The following HS6ST3 variants were observed in gnomAD, a reference collection of about 807,000 sequenced individuals.
HS6ST3 encodes the protein heparan sulfate 6-O-sulfotransferase 3.
Under a neutral mutation model 36.7 loss-of-function variants are expected in HS6ST3, and 12 were observed. The ratio of observed to expected loss-of-function variants is 0.33; its 90% CI spans 0.21 to 0.53. The LOEUF (loss-of-function observed/expected upper bound fraction) is 0.53. HS6ST3 is among the 20% of genes least tolerant of loss of function. The pLI is 0.95. For missense variants in HS6ST3, 584 were observed against 640.9 expected, an observed-to-expected ratio of 0.91 and a Z score of 0.96; for synonymous variants, 240 against 257.5, an observed-to-expected ratio of 0.93 and a Z score of 0.65.
chr13:96,666,585 G>T (rs1459862012), intron 1 of HS6ST3, among the ~76,000 whole-genome samples: 1 of 151,798 alleles, frequency 6.6e-6, no homozygotes, highest in African/African-American at 2.4e-5. Flanking sequence ...CTTTACAATT[G>T]CTCTCACTTG....
At chr13:96,487,631 A>G (rs1301425949) in intron 1 of HS6ST3, among the ~76,000 whole-genome samples, 1 of 152,128 alleles carries the variant, frequency 6.6e-6, no homozygotes, top group Non-Finnish European at 1.5e-5. Flanking sequence ...TATTATACAT[A>G]CAAGGACAAA....
intron 1 of HS6ST3, among the ~76,000 whole-genome samples, chr13:96,142,891 C>A (rs527345776): frequency 1.3e-4 from 20 of 152,056 alleles, no homozygotes; most frequent in African/African-American, 4.8e-4. Flanking sequence ...AATGATAATT[C>A]AGTAATGTCT....
intron 1 of HS6ST3, among the ~76,000 whole-genome samples, chr13:96,562,064 G>A (rs573295341): frequency 3.7e-4 from 56 of 152,288 alleles, no homozygotes; most frequent in Admixed American, 3.2e-3. Flanking sequence ...TCTGCCAAAA[G>A]CACATATGCA....
chr13:96,626,125 A>T (rs953125850), intron 1 of HS6ST3, among the ~76,000 whole-genome samples: 1 of 152,098 alleles, frequency 6.6e-6, no homozygotes, highest in Non-Finnish European at 1.5e-5. Flanking sequence ...TACAGGCGTG[A>T]GCCACATCGC....
rs140156411 is a variant in HS6ST3, at chr13:96,367,965, T to C, written c.707+276396T>C. Among the ~76,000 whole-genome samples the C allele has an allele frequency of 3.2e-3, 487 of 152,286 alleles. 6 individuals carry two copies. Among genetic ancestry groups the C allele is most frequent in the African/African-American group, 0.011 (461 of 41,568 alleles). ...AAAACTCATTTCATGATGTTTATGGTTTTTTCCTTTTGTAAATGTACGAAG... is the reference window on the plus strand; with the variant it reads ...AAAACTCATTTCATGATGTTTATGGCTTTTTCCTTTTGTAAATGTACGAAG... On this transcript the variant is annotated intron_variant, in intron 1 of 1. Transcript: ENST00000376705.
chr13:96,147,587 C>T (rs1236037251), intron 1 of HS6ST3, among the ~76,000 whole-genome samples: 2 of 152,330 alleles, frequency 1.3e-5, no homozygotes, highest in Non-Finnish European at 2.9e-5. Flanking sequence ...TCTGGTTTCC[C>T]TCCACAGCTC....
chr13:96,368,417 C>T (rs1443655111), intron 1 of HS6ST3, among the ~76,000 whole-genome samples: 1 of 151,638 alleles, frequency 6.6e-6, no homozygotes, highest in Non-Finnish European at 1.5e-5. Flanking sequence ...TACAATCCAG[C>T]TGGTAGACTC....
chr13:96,765,497 T>C lies in HS6ST3; in HGVS notation c.708-66993T>C, dbSNP rs78737050. Among the ~76,000 whole-genome samples the C allele has an allele frequency of 4.4e-3, 673 of 152,326 alleles. 7 individuals are homozygous for C. Among genetic ancestry groups the C allele is most frequent in the Non-Finnish European group, 5.7e-3 (388 of 68,028 alleles). ...TTTCTCTGGAACTACCATTTTGTGA[T>C]TTTTCCAGGGACTTTTCTTGGGTTT... On this transcript the variant is annotated intron_variant, in intron 1 of 1. Transcript: ENST00000376705.
chr13:96,221,913 G>GA (rs61458457), intron 1 of HS6ST3, among the ~76,000 whole-genome samples: 12 of 152,044 alleles, frequency 7.9e-5, no homozygotes, highest in Admixed American at 5.2e-4. Context: ...ATTTGAAATG[G>GA]AAAAAAATCA....
At chr13:96,418,350 C>T (rs1056323146) in intron 1 of HS6ST3, among the ~76,000 whole-genome samples, 6 of 152,082 alleles carry the variant, frequency 3.9e-5, no homozygotes, top group East Asian at 1.9e-4. Context: ...GCATTATGAA[C>T]GATTTTAGCA....
At chr13:96,488,142 C>A (rs2055925028) in intron 1 of HS6ST3, among the ~76,000 whole-genome samples, 4 of 152,002 alleles carry the variant, frequency 2.6e-5, no homozygotes, top group Admixed American at 2.6e-4. Context: ...TCTCTTTTTT[C>A]TCCCGGTTTG....
At chr13:96,772,719 C>G (rs1877293375) in intron 1 of HS6ST3, among the ~76,000 whole-genome samples, 1 of 152,104 alleles carries the variant, frequency 6.6e-6, no homozygotes, top group African/African-American at 2.4e-5. Flanking sequence ...AATAAGCCTT[C>G]AATAAGAAGA....
intron 1 of HS6ST3, among the ~76,000 whole-genome samples, chr13:96,402,966 G>T (rs1012057843): frequency 6.6e-6 from 1 of 152,142 alleles, no homozygotes. Flanking sequence ...AGCTTTGAAA[G>T]AAACAGTATA....
intron 1 of HS6ST3, among the ~76,000 whole-genome samples, chr13:96,186,902 C>T (rs1006106890): frequency 6.6e-6 from 1 of 152,174 alleles, no homozygotes; most frequent in Non-Finnish European, 1.5e-5. Context: ...ATGATGCTAG[C>T]CTCAAGGGCA....
At chr13:96,651,131 T>C (rs2139012621) in intron 1 of HS6ST3, among the ~76,000 whole-genome samples, 1 of 152,202 alleles carries the variant, frequency 6.6e-6, no homozygotes, top group East Asian at 1.9e-4. Context: ...TGAAAATTCT[T>C]TCCTTCTAAT....
intron 1 of HS6ST3, among the ~76,000 whole-genome samples, chr13:96,234,690 A>G (rs180688197): frequency 2.0e-5 from 3 of 152,218 alleles, no homozygotes; most frequent in African/African-American, 4.8e-5. Flanking sequence ...CCATGGTTCA[A>G]TTACCTCCCA....
intron 1 of HS6ST3, among the ~76,000 whole-genome samples, chr13:96,631,899 C>T (rs913949810): frequency 3.3e-5 from 5 of 152,152 alleles, no homozygotes; most frequent in African/African-American, 1.2e-4. Context: ...GTGGGAAGAA[C>T]TGCCATTTGT....
intron 1 of HS6ST3, among the ~76,000 whole-genome samples, chr13:96,477,368 A>G (rs894066488): frequency 2.6e-5 from 4 of 151,854 alleles, no homozygotes; most frequent in African/African-American, 9.7e-5. Context: ...AAAAATTACT[A>G]TATTCTTCAA....
intron 1 of HS6ST3, among the ~76,000 whole-genome samples, chr13:96,341,089 C>G (rs1237956072): frequency 6.6e-6 from 1 of 152,052 alleles, no homozygotes; most frequent in African/African-American, 2.4e-5. Context: ...TTAGATCTGT[C>G]ACAGAATTTG....
Sources: allele counts gnomAD v4.1 joint callset (sites outside exome capture counted in the v4.1 genomes callset), GRCh38; gene constraint gnomAD v4.1.1; transcripts MANE v1.5; gene names NCBI Gene and HGNC (gene_info 2026-07-23, HGNC 2026-07-21).